Variants in LRRFIP1 observed in about 807,000 individuals in gnomAD.
The protein encoded by LRRFIP1 is LRR binding FLII interacting protein 1, also known as leucine-rich repeat flightless-interacting protein 1.
Under a neutral mutation model 104.4 loss-of-function variants are expected in LRRFIP1, and 62 were observed. That is an observed-to-expected ratio of 0.59 (90% CI 0.48 to 0.73). LRRFIP1 has a LOEUF of 0.73. LRRFIP1 is among the 30% of genes least tolerant of loss of function. The pLI is 0.00. For synonymous variants in LRRFIP1, 300 were observed against 299.0 expected (o/e 1.00, Z -0.03); for missense variants, 796 against 824.5 (o/e 0.97, Z 0.42).
intron 1 of LRRFIP1, among the ~76,000 whole-genome samples, chr2:237,697,911 C>T (rs2093298610): frequency 6.6e-6 from 1 of 152,172 alleles, no homozygotes; most frequent in South Asian, 2.1e-4. Context: ...AAGATTCATT[C>T]ATCTCAGGAA....
intron 1 of LRRFIP1, among the ~76,000 whole-genome samples, chr2:237,669,229 T>C (rs2089974196): frequency 6.6e-6 from 1 of 152,190 alleles, no homozygotes; most frequent in East Asian, 1.9e-4. Context: ...ATTAGAATAT[T>C]AGAAGTGCAA....
At chr2:237,697,745 A>C (rs1198266235) in intron 1 of LRRFIP1, among the ~76,000 whole-genome samples, 1 of 152,178 alleles carries the variant, frequency 6.6e-6, no homozygotes, top group East Asian at 1.9e-4. Flanking sequence ...AAGGGAGTGG[A>C]GCCCAGACGT....
chr2:237,709,458 C>T (rs565494856), intron 2 of LRRFIP1, among the ~76,000 whole-genome samples: 3 of 152,302 alleles, frequency 2.0e-5, no homozygotes, highest in African/African-American at 4.8e-5. Flanking sequence ...CAGCTGCCTT[C>T]CCCAGGGTTG....
intron 15 of LRRFIP1, among the ~76,000 whole-genome samples, chr2:237,754,803 G>C (rs2059078032): frequency 6.6e-6 from 1 of 152,202 alleles, no homozygotes; most frequent in Admixed American, 6.5e-5. Flanking sequence ...CCCCCCTTCG[G>C]GTGGGGGCCT....
At chr2:237,759,451 T>A (rs1347185890) in intron 18 of LRRFIP1, among the ~76,000 whole-genome samples, 1 of 152,184 alleles carries the variant, frequency 6.6e-6, no homozygotes. Flanking sequence ...TTCGTAATTC[T>A]GCTCCTTGAA....
chr2:237,718,740 T>C (rs2094434176), intron 4 of LRRFIP1, among the ~76,000 whole-genome samples: 1 of 152,226 alleles, frequency 6.6e-6, no homozygotes, highest in African/African-American at 2.4e-5. Context: ...CCAAAATTAT[T>C]TCCTAACATC....
At chr2:237,730,257 G>A (rs1219666850) in intron 8 of LRRFIP1, among the ~76,000 whole-genome samples, 1 of 152,156 alleles carries the variant, frequency 6.6e-6, no homozygotes, top group East Asian at 1.9e-4. Context: ...AGACTTGGAA[G>A]GAAAATCCAG....
chr2:237,704,878 T>G (rs565924979), intron 1 of LRRFIP1, among the ~76,000 whole-genome samples: 2 of 152,268 alleles, frequency 1.3e-5, no homozygotes, highest in East Asian at 3.9e-4. Context: ...TGGGGTTCCT[T>G]TATCAGCCCA....
At chr2:237,707,507 G>A (rs994207871) in intron 1 of LRRFIP1, among the ~76,000 whole-genome samples, 2 of 151,266 alleles carry the variant, frequency 1.3e-5, no homozygotes, top group African/African-American at 2.4e-5. Flanking sequence ...TATGTAAGAC[G>A]TCTGAAAACT....
intron 1 of LRRFIP1, among the ~76,000 whole-genome samples, chr2:237,658,638 G>A (rs913116742): frequency 1.3e-5 from 2 of 152,186 alleles, no homozygotes; most frequent in Non-Finnish European, 2.9e-5. Flanking sequence ...CATGGCAGAA[G>A]ATGAAGGGGA....
chr2:237,653,731 C>A (rs1345853481), intron 1 of LRRFIP1, among the ~76,000 whole-genome samples: 1 of 152,076 alleles, frequency 6.6e-6, no homozygotes, highest in South Asian at 2.1e-4. Context: ...TTTTTTGACA[C>A]AGTTGCCAAG....
rs1380628479 is a variant in LRRFIP1, at chr2:237,735,395, G to T, written c.555+62G>T. 3 of 1,516,814 alleles carry T rather than the reference G, an allele frequency of 2.0e-6. No individual in the cohort carries two copies. The highest frequency in any genetic ancestry group is 1.4e-5 in the African/African-American group (1 of 72,976). The allele number at this position is 1,516,814 out of a possible 1,614,324, so 94.0% of individuals were successfully genotyped here. A position where few individuals can be genotyped will look rare whatever the true frequency, so the allele number is the denominator to read the frequency against. On this transcript the variant is annotated intron_variant, in intron 10 of 23. Coordinates refer to ENST00000308482, the MANE Select transcript of LRRFIP1 (RefSeq NM_001137550.2). This position sits in a 1 kb window ranked among gnomAD's most constrained non-coding sequence, Gnocchi z 4.6. ...CCTGCTGCATGGCCTGGGGATGCTC[G>T]CTGGGCAGGGTCCAGCCGTGGGGGG...
At chr2:237,685,289 G>T (rs1195402841) in intron 1 of LRRFIP1, among the ~76,000 whole-genome samples, 3 of 152,188 alleles carry the variant, frequency 2.0e-5, no homozygotes, top group African/African-American at 7.2e-5. Flanking sequence ...ATACATTTAG[G>T]ATTGCTATAG....
At chr2:237,725,719 A>G (rs2094719388) in intron 7 of LRRFIP1, among the ~76,000 whole-genome samples, 1 of 152,230 alleles carries the variant, frequency 6.6e-6, no homozygotes, top group African/African-American at 2.4e-5. Flanking sequence ...CCTGCAAAGT[A>G]ACAGTTTTTC....
chr2:237,663,592 A>C (rs2088528239), intron 1 of LRRFIP1, among the ~76,000 whole-genome samples: 1 of 152,156 alleles, frequency 6.6e-6, no homozygotes, highest in Non-Finnish European at 1.5e-5. Context: ...TTTATAAGCC[A>C]CCTAGTCTAT....
rs767695893 is a variant in LRRFIP1 at position 237,769,987 on chromosome 2, G to A, written c.1504G>A (p.Glu502Lys). Residue 502 changes from glutamate (E) to lysine (K), a missense_variant, in exon 20 of 24, where the codon GAA (glutamate) becomes AAA (lysine). Coordinates refer to ENST00000308482, the MANE Select transcript of LRRFIP1 (RefSeq NM_001137550.2). The part of the protein sequence containing the change: ...KLVDERECLL[E>K]QIKKLKGQLE... ...GGTTGATGAACGGGAATGCTTATTG[G>A]AACAGGTAACAATCTTTTTATTACT... is the stretch of plus-strand genomic sequence containing the variant. 3.1e-6 allele frequency: 5 copies of A among 1,602,658 alleles called. No individual in the cohort carries two copies. The highest frequency in any genetic ancestry group is 1.7e-5 in the Admixed American group (1 of 58,584).
In LRRFIP1 at chr2:237,748,443, A is replaced by G. The variant is rs558194464; in HGVS notation, c.669+44A>G. 5.3e-6 allele frequency: 8 copies of G among 1,504,578 alleles called. No homozygotes were observed. In the East Asian group the frequency reaches 1.1e-4, roughly 21 times the overall value. The allele number at this position is 1,504,578 out of a possible 1,614,324, so 93.2% of individuals were successfully genotyped here. On this transcript the variant is annotated intron_variant, in intron 12 of 23. Transcript: ENST00000308482. ...ACCTAGAGGGTCCCAAAAGTTGTGG[A>G]TGAAATTGATAAGAAAATATGTTGC... is the stretch of plus-strand genomic sequence containing the variant.
intron 11 of LRRFIP1, among the ~76,000 whole-genome samples, chr2:237,743,838 A>G (rs1418333906): frequency 6.6e-6 from 1 of 152,166 alleles, no homozygotes; most frequent in African/African-American, 2.4e-5. Context: ...ACCCAAGCAG[A>G]GTGACTCCAC....
At chr2:237,653,245 G>T (rs2086237577) in intron 1 of LRRFIP1, among the ~76,000 whole-genome samples, 1 of 152,166 alleles carries the variant, frequency 6.6e-6, no homozygotes, top group South Asian at 2.1e-4. Context: ...GAAAAATAAA[G>T]AAAAGAATCC....
Sources: gnomAD v4.1 joint callset for allele counts (sites outside exome capture counted in the v4.1 genomes callset) on GRCh38, gnomAD v4.1.1 for gene constraint, Gnocchi (gnomAD v3.1) non-coding constraint, MANE v1.5 for transcripts, NCBI Gene and HGNC (gene_info 2026-07-23, HGNC 2026-07-21) for gene names.